PATJ: variants seen among roughly 807,000 people sequenced by gnomAD.
PATJ encodes inaD-like protein.
PATJ carries 190 observed loss-of-function variants against 224.9 expected under a neutral mutation model. The observed-to-expected ratio is 0.84, with a 90% confidence interval of 0.75 to 0.95. The LOEUF (loss-of-function observed/expected upper bound fraction) is 0.95. Ranked by LOEUF, PATJ falls within the 40% of genes least tolerant of loss-of-function variation. The pLI, the probability that PATJ is intolerant of heterozygous loss-of-function variation, is 0.00. For synonymous variants in PATJ, 769 were observed against 820.3 expected, an observed-to-expected ratio of 0.94 and a Z score of 1.07; for missense variants, 2,121 against 2,270.3, an observed-to-expected ratio of 0.93 and a Z score of 1.34.
At chr1:61,871,739 T>G (rs1666659756) in intron 20 of PATJ, among the ~76,000 whole-genome samples, 1 of 150,950 alleles carries the variant, frequency 6.6e-6, no homozygotes, top group Non-Finnish European at 1.5e-5. Flanking sequence ...ATTTTTGCAT[T>G]TTTTAGTAGA....
intron 14 of PATJ, among the ~76,000 whole-genome samples, chr1:61,820,337 C>CTATT (rs1253942199): frequency 3.5e-4 from 53 of 151,454 alleles, no homozygotes; most frequent in African/African-American, 6.8e-4. Context: ...CGTGCCTGGC[C>CTATT]TATTTATTTA....
intron 28 of PATJ, among the ~76,000 whole-genome samples, chr1:62,013,915 A>G (rs1646609902): frequency 6.6e-6 from 1 of 152,156 alleles, no homozygotes; most frequent in African/African-American, 2.4e-5. Context: ...CTGGGACCAC[A>G]GGCGCCTGAC....
chr1:62,024,579 T>G (rs140077176), intron 29 of PATJ, among the ~76,000 whole-genome samples: 1 of 151,894 alleles, frequency 6.6e-6, no homozygotes, highest in Non-Finnish European at 1.5e-5. Context: ...CTTTTTTTCT[T>G]TTTTGCTGGT....
At chr1:61,946,523 G>A (rs1165027575) in intron 27 of PATJ, among the ~76,000 whole-genome samples, 1 of 152,160 alleles carries the variant, frequency 6.6e-6, no homozygotes, top group Non-Finnish European at 1.5e-5. Flanking sequence ...CCAGGAAGAA[G>A]TTGACTCTCT....
intron 1 of PATJ, among the ~76,000 whole-genome samples, chr1:61,762,629 A>G (rs1047211707): frequency 3.9e-5 from 6 of 152,192 alleles, no homozygotes; most frequent in African/African-American, 1.2e-4. Context: ...GCAATGTACA[A>G]TAATAGTTCC....
chr1:61,812,678 G>A lies in PATJ; in HGVS notation c.1683+4148G>A, dbSNP rs193199305. On this transcript the variant is annotated intron_variant, in intron 14 of 43. Coordinates refer to ENST00000642238, the MANE Select transcript of PATJ (RefSeq NM_001350145.3). ...AGCCTGGGCAACATGATAAAACCTC[G>A]TCTCTCCTAAAAATACAAAAATTAG... Among the ~76,000 whole-genome samples, 3 of 151,816 alleles carry A rather than the reference G, an allele frequency of 2.0e-5. No homozygotes were observed. In the East Asian group the frequency reaches 5.8e-4, roughly 29 times the overall value.
chr1:62,037,849 T>C, intron 29 of PATJ, 128 bp from the exon 30 acceptor site: 3 of 334,030 alleles, frequency 9.0e-6, no homozygotes, highest in Non-Finnish European at 1.7e-5. Flanking sequence ...TATATATTTA[T>C]ATATATATAT....
chr1:61,760,814 T>G (rs1327515953), intron 1 of PATJ, among the ~76,000 whole-genome samples: 1 of 151,932 alleles, frequency 6.6e-6, no homozygotes, highest in African/African-American at 2.4e-5. Context: ...GGTTTCTCTG[T>G]GTTGGCCAGG....
At chr1:61,766,494 G>T in intron 4 of PATJ, 21 bp downstream of exon 4, 1 of 1,521,882 alleles carries the variant, frequency 6.6e-7, no homozygotes, top group Non-Finnish European at 8.9e-7. Context: ...ATCTTCTCAT[G>T]GAAATATTTA....
chr1:62,114,280 T>C (rs1664207573), intron 35 of PATJ, 34 bp downstream of exon 35: 2 of 1,590,116 alleles, frequency 1.3e-6, no homozygotes, highest in African/African-American at 1.3e-5. Flanking sequence ...GGATCTGCCT[T>C]TTTCATCCAG....
chr1:61,860,158 G>T (rs1217868788), intron 18 of PATJ, among the ~76,000 whole-genome samples: 1 of 152,018 alleles, frequency 6.6e-6, no homozygotes, highest in African/African-American at 2.4e-5. Context: ...TTAAAACCTA[G>T]GTGACAGGTT....
At chr1:62,051,943 G>A (rs1023212380) in intron 31 of PATJ, among the ~76,000 whole-genome samples, 1 of 152,178 alleles carries the variant, frequency 6.6e-6, no homozygotes, top group Admixed American at 6.5e-5. Flanking sequence ...CTGAGAGTTA[G>A]AGAAGTTAAC....
intron 42 of PATJ, among the ~76,000 whole-genome samples, chr1:62,151,533 G>T (rs1293641293): frequency 6.6e-6 from 1 of 152,256 alleles, no homozygotes; most frequent in South Asian, 2.1e-4. Flanking sequence ...AGAGCTTGCA[G>T]TGAGCCGAGA....
chr1:61,771,425 A>G lies in PATJ; in HGVS notation c.525-6A>G. On this transcript the variant is annotated splice_polypyrimidine_tract_variant and splice_region_variant and intron_variant, in intron 5 of 43. Coordinates refer to ENST00000642238, the MANE Select transcript of PATJ (RefSeq NM_001350145.3). Reference sequence around the variant, plus strand: ...CTTAAAAAATTTCTTTTCTTACATGATTAAGGGATCAAAGATTAAAGGAAA... The same window carrying G: ...CTTAAAAAATTTCTTTTCTTACATGGTTAAGGGATCAAAGATTAAAGGAAA... 1.3e-6 allele frequency: 2 copies of G among 1,570,530 alleles called. No homozygotes were observed. The highest frequency in any genetic ancestry group is 2.3e-5 in the East Asian group (1 of 43,492).
In PATJ at chr1:61,771,472, A is replaced by AT; in HGVS notation, c.567dup (p.His190SerfsTer41). Reference sequence around the variant, plus strand: ...GAAAATGATCAAATATTGGCCATTAATCACACGCCATTGGATCAGAACATT... The same window carrying AT: ...GAAAATGATCAAATATTGGCCATTAATTCACACGCCATTGGATCAGAACATT... On this transcript the variant is annotated frameshift_variant, in exon 6 of 44. Transcript: ENST00000642238. LOFTEE classifies it high-confidence loss of function. 4 of 1,607,354 alleles carry AT rather than the reference A, an allele frequency of 2.5e-6. No individual in the cohort carries two copies. The highest frequency in any genetic ancestry group is 3.4e-6 in the Non-Finnish European group (4 of 1,178,004).
At chr1:61,974,525 T>G (rs1253471983) in intron 27 of PATJ, among the ~76,000 whole-genome samples, 1 of 150,034 alleles carries the variant, frequency 6.7e-6, no homozygotes, top group Non-Finnish European at 1.5e-5. Context: ...GCGATTCTCC[T>G]GACTCAGCAT....
At chr1:61,965,940 C>T (rs1682067589) in intron 27 of PATJ, among the ~76,000 whole-genome samples, 2 of 152,204 alleles carry the variant, frequency 1.3e-5, no homozygotes, top group Admixed American at 6.5e-5. Context: ...CTCGCTCTGT[C>T]TCCCAGGCTG....
chr1:62,158,587 G>A (rs563560109), intron 43 of PATJ, among the ~76,000 whole-genome samples: 2 of 148,850 alleles, frequency 1.3e-5, no homozygotes, highest in Non-Finnish European at 3.0e-5. Flanking sequence ...CAGGCGTGGT[G>A]GCGGGCGCCT....
chr1:62,042,658 A>T (rs2498957), intron 30 of PATJ, among the ~76,000 whole-genome samples: 131,417 of 151,282 alleles, frequency 0.87, 58,694 homozygotes, highest in Non-Finnish European at 0.98. Context: ...CTATTTTTTT[A>T]AAAAAAAAGA....
Sources: gnomAD v4.1 joint callset for allele counts (sites outside exome capture counted in the v4.1 genomes callset) on GRCh38, gnomAD v4.1.1 for gene constraint, MANE v1.5 for transcripts, NCBI Gene and HGNC (gene_info 2026-07-23, HGNC 2026-07-21) for gene names.